IRAK2: variants seen among roughly 807,000 people sequenced by gnomAD.
IRAK2 encodes interleukin 1 receptor associated kinase 2, also known as interleukin-1 receptor-associated kinase-like 2.
IRAK2 carries 57 observed loss-of-function variants against 72.0 expected under a neutral mutation model. The ratio of observed to expected loss-of-function variants is 0.79; its 90% CI spans 0.64 to 0.99. The LOEUF (loss-of-function observed/expected upper bound fraction) is 0.99. Ranked by LOEUF, IRAK2 falls within the 50% of genes least tolerant of loss-of-function variation. The pLI, the probability that IRAK2 is intolerant of heterozygous loss-of-function variation, is 0.00. For synonymous variants in IRAK2, 293 were observed against 312.7 expected (o/e 0.94, Z 0.67); for missense variants, 790 against 794.4 (o/e 0.99, Z 0.07).
chr3:10,241,910 T>C (rs139499092), intron 12 of IRAK2, among the ~76,000 whole-genome samples: 15 of 145,136 alleles, frequency 1.0e-4, no homozygotes, highest in African/African-American at 3.8e-4. Flanking sequence ...GAGGTCAAGG[T>C]TGCCTTGAGC....
chr3:10,241,323 G>A (rs370799920), intron 12 of IRAK2, among the ~76,000 whole-genome samples: 1 of 112,296 alleles, frequency 8.9e-6, no homozygotes, highest in African/African-American at 3.7e-5. Flanking sequence ...ACTTTGGGAG[G>A]CTGAGGCGGG....
intron 4 of IRAK2, among the ~76,000 whole-genome samples, chr3:10,211,422 CA>C (rs151171958): frequency 1 from 152,064 of 152,174 alleles, 75,977 homozygotes; most frequent in Middle Eastern, 1. Context: ...AGATTACAAG[CA>C]GTGAATCACT....
At chr3:10,235,972 C>A (rs1335180882) in intron 11 of IRAK2, among the ~76,000 whole-genome samples, 1 of 152,194 alleles carries the variant, frequency 6.6e-6, no homozygotes, top group Non-Finnish European at 1.5e-5. Context: ...CAGTTGTACA[C>A]TGGGGCCAGG....
intron 2 of IRAK2, among the ~76,000 whole-genome samples, chr3:10,178,746 G>A (rs562181106): frequency 6.6e-6 from 1 of 152,262 alleles, no homozygotes; most frequent in South Asian, 2.1e-4. Flanking sequence ...TTTCTGGCTT[G>A]TCTTACTAGA....
chr3:10,213,171 C>T (rs1697549606), intron 4 of IRAK2, 36 bp from the exon 5 acceptor site: 7 of 1,573,486 alleles, frequency 4.4e-6, no homozygotes, highest in Non-Finnish European at 6.1e-6. Context: ...AACGAGATTC[C>T]ATAGTAATCT....
intron 3 of IRAK2, among the ~76,000 whole-genome samples, chr3:10,209,294 G>A (rs1343305910): frequency 1.3e-5 from 2 of 152,074 alleles, no homozygotes; most frequent in African/African-American, 2.4e-5. Context: ...TCTGAATTTC[G>A]GCTCTACCAT....
chr3:10,190,773 G>T (rs984708977), intron 2 of IRAK2, among the ~76,000 whole-genome samples: 1 of 152,170 alleles, frequency 6.6e-6, no homozygotes, highest in Non-Finnish European at 1.5e-5. Flanking sequence ...TTATGCTGCG[G>T]TATCAGATAA....
chr3:10,234,155 C>T (rs1559453786), intron 10 of IRAK2, among the ~76,000 whole-genome samples: 1 of 152,190 alleles, frequency 6.6e-6, no homozygotes, highest in African/African-American at 2.4e-5. Flanking sequence ...AGCCACTGCG[C>T]CCGGCCCTGG....
intron 11 of IRAK2, among the ~76,000 whole-genome samples, chr3:10,238,297 C>T (rs1697997863): frequency 6.6e-6 from 1 of 152,144 alleles, no homozygotes; most frequent in Admixed American, 6.6e-5. Flanking sequence ...GTGGCTCTCT[C>T]TTCGTTGCTT....
chr3:10,185,559 A>AG (rs34581117), intron 2 of IRAK2, among the ~76,000 whole-genome samples: 1 of 41,886 alleles, frequency 2.4e-5, no homozygotes, highest in Non-Finnish European at 5.6e-5. Context: ...ACTCCGTCTC[A>AG]AAAAAAAAAA....
Position 10,185,595 on chromosome 3 carries a change from C to T in IRAK2, c.277+7575C>T, listed in dbSNP as rs530659302. On this transcript the variant is annotated intron_variant, in intron 2 of 12. Transcript: ENST00000256458. Reference sequence around the variant, plus strand: ...AAAAAAAAAAGAACCACTGCTCTGGCTGGGCGCGGTGGCTCACACCTGTAA... The same window carrying T: ...AAAAAAAAAAGAACCACTGCTCTGGTTGGGCGCGGTGGCTCACACCTGTAA... Among the ~76,000 whole-genome samples, 9 of 146,992 alleles carry T rather than the reference C, an allele frequency of 6.1e-5. No individual in the cohort carries two copies. The South Asian group carries it at 1.9e-3, about 31-fold the overall frequency.
intron 8 of IRAK2, among the ~76,000 whole-genome samples, chr3:10,221,495 C>T (rs1389933120): frequency 1.3e-5 from 2 of 151,550 alleles, no homozygotes; most frequent in East Asian, 2.0e-4. Context: ...CCTCGTGATC[C>T]ACCCACCTTG....
rs1174992769 is a variant in IRAK2 at position 10,222,761 on chromosome 3, CG to C, written c.1140del (p.Tyr381IlefsTer12). ...ACTCACCTGCTCCGGACGTCAGCCG[CG>C]TATCTGCCAGAGGATTTCATCCGGG... ...MKTHLLRTSA[A>X]YLPEDFIRVG... On this transcript the variant is annotated frameshift_variant, in exon 9 of 13. Transcript: ENST00000256458. LOFTEE classifies it high-confidence loss of function. The C allele has an allele frequency of 9.3e-6, 15 of 1,614,080 alleles. No homozygotes were observed. Among genetic ancestry groups the C allele is most frequent in the African/African-American group, 1.3e-5 (1 of 74,920 alleles).
At chr3:10,223,976 C>T (rs1697733043) in intron 9 of IRAK2, among the ~76,000 whole-genome samples, 1 of 152,230 alleles carries the variant, frequency 6.6e-6, no homozygotes, top group African/African-American at 2.4e-5. Flanking sequence ...CTCTGCCTCC[C>T]TCAGCCCCAC....
chr3:10,240,853 C>A (rs1313921634), intron 12 of IRAK2, among the ~76,000 whole-genome samples: 1 of 151,654 alleles, frequency 6.6e-6, no homozygotes, highest in East Asian at 2.0e-4. Flanking sequence ...GCCACCGCAC[C>A]CGACCAGGAA....
intron 10 of IRAK2, among the ~76,000 whole-genome samples, chr3:10,227,418 A>C (rs1697797036): frequency 6.6e-6 from 1 of 152,186 alleles, no homozygotes; most frequent in African/African-American, 2.4e-5. Flanking sequence ...ACTGCACTCC[A>C]GCCTGGGTGA....
chr3:10,205,451 C>T (rs1559446781), intron 3 of IRAK2, among the ~76,000 whole-genome samples: 1 of 152,194 alleles, frequency 6.6e-6, no homozygotes, highest in Non-Finnish European at 1.5e-5. Flanking sequence ...CTCAGGGATT[C>T]CCCCAAACTG....
chr3:10,202,053 T>C (rs1697368310), intron 3 of IRAK2, among the ~76,000 whole-genome samples: 1 of 152,194 alleles, frequency 6.6e-6, no homozygotes, highest in South Asian at 2.1e-4. Context: ...GCTCATTAAA[T>C]GTTATCTGAT....
At chr3:10,210,012 C>T (rs745974639) in intron 4 of IRAK2, among the ~76,000 whole-genome samples, 12 of 152,080 alleles carry the variant, frequency 7.9e-5, no homozygotes, top group Non-Finnish European at 1.5e-4. Flanking sequence ...CTCCGCTTCC[C>T]GGGTTCAAGT....
Sources: gnomAD v4.1 joint callset for allele counts (sites outside exome capture counted in the v4.1 genomes callset) on GRCh38, gnomAD v4.1.1 for gene constraint, MANE v1.5 for transcripts, NCBI Gene and HGNC (gene_info 2026-07-23, HGNC 2026-07-21) for gene names.